The following MYO19 variants were observed in gnomAD, a reference collection of about 807,000 sequenced individuals.
MYO19 encodes unconventional myosin-XIX.
MYO19 carries 132 observed loss-of-function variants against 129.2 expected under a neutral mutation model. The observed-to-expected ratio is 1.02, with a 90% CI of 0.89 to 1.18. MYO19 has a LOEUF of 1.18. MYO19 is among the 50% of genes most tolerant of loss of function. The pLI is 0.00. For synonymous variants in MYO19, 531 were observed against 477.2 expected (o/e 1.11, Z -1.47); for missense variants, 1,210 against 1,216.7 (o/e 0.99, Z 0.08).
chr17:36,534,303 G>C (rs934383910), intron 1 of MYO19, 199 bp from the exon 2 acceptor site: 19 of 152,292 alleles, frequency 1.2e-4, no homozygotes, highest in African/African-American at 4.6e-4. Flanking sequence ...GGGAACCGGG[G>C]ACTCAAGGTC....
At chr17:36,504,973 G>T in intron 19 of MYO19, 1 of 494,294 alleles carries the variant, frequency 2.0e-6, no homozygotes, top group East Asian at 4.3e-5. Flanking sequence ...GCACTGTGCG[G>T]GGACTGTGTG....
At chr17:36,535,648 A>T (rs1042090387), upstream of MYO19, 1 of 152,118 alleles carries the variant, frequency 6.6e-6, no homozygotes, top group Admixed American at 6.6e-5. Flanking sequence ...TAGGAAAAAG[A>T]CTTTTTATTT....
chr17:36,531,824 G>C (rs1423359649), intron 3 of MYO19, among the ~76,000 whole-genome samples: 1 of 152,144 alleles, frequency 6.6e-6, no homozygotes, highest in African/African-American at 2.4e-5. Context: ...CTCCTTGAGG[G>C]CAAGCACCAA....
chr17:36,508,805 A>C, intron 14 of MYO19: 1 of 502,410 alleles, frequency 2.0e-6, no homozygotes, highest in Non-Finnish European at 3.5e-6. Flanking sequence ...GTCTCTGGGG[A>C]GGTAAAGGGC....
chr17:36,532,979 C>T (rs754482014), intron 2 of MYO19, among the ~76,000 whole-genome samples: 1 of 152,134 alleles, frequency 6.6e-6, no homozygotes, highest in Non-Finnish European at 1.5e-5. Flanking sequence ...ACAGAGAAGC[C>T]TTGTGCCCTA....
chr17:36,498,463 T>C lies in MYO19; in HGVS notation c.2560A>G (p.Thr854Ala), dbSNP rs1394890397. Residue 854 changes from threonine (T) to alanine (A), a missense_variant, in exon 25 of 26, where the codon ACC becomes GCC. By Grantham distance (58) the Thr-to-Ala change is moderately conservative. Transcript: ENST00000614623. Reference protein sequence around the residue: ...PCSLSTSPLQTRLLEAIIRLW... With the variant: ...PCSLSTSPLQARLLEAIIRLW... ...CGGATTATTGCCTCCAGGAGCCTGGTCTGCAGCGGCGAGGTGCTCAGGGAA... is the reference window on the plus strand; with the variant it reads ...CGGATTATTGCCTCCAGGAGCCTGGCCTGCAGCGGCGAGGTGCTCAGGGAA... 3.1e-6 allele frequency: 5 copies of C among 1,614,016 alleles called. No homozygotes were observed. Among genetic ancestry groups the C allele is most frequent in the Non-Finnish European group, 4.2e-6 (5 of 1,179,880 alleles).
intron 20 of MYO19, 40 bp downstream of exon 20, chr17:36,503,910 T>C (rs764065866): frequency 9.6e-5 from 143 of 1,488,044 alleles, no homozygotes; most frequent in Non-Finnish European, 1.3e-4. Context: ...AGCCCCACTC[T>C]GTACTGGCCC....
At chr17:36,538,042 C>A (rs950712056), upstream of MYO19, 3 of 1,613,960 alleles carry the variant, frequency 1.9e-6, no homozygotes, top group African/African-American at 4.0e-5. Flanking sequence ...GGGTATGTGG[C>A]AATACACATG....
At chr17:36,497,610 A>T (rs2071114754) in intron 25 of MYO19, 3 of 890,520 alleles carry the variant, frequency 3.4e-6, no homozygotes, top group African/African-American at 1.8e-5. Context: ...TTTTAGATGG[A>T]CTCTCGTCCT....
chr17:36,536,443 T>C (rs948960353), upstream of MYO19, among the ~76,000 whole-genome samples: 1 of 152,112 alleles, frequency 6.6e-6, no homozygotes, highest in Admixed American at 6.6e-5. Context: ...TGCTCCATAA[T>C]AGAAATTCCC....
At chr17:36,538,302 C>T (rs2074171362), upstream of MYO19, 6 of 1,613,252 alleles carry the variant, frequency 3.7e-6, no homozygotes, top group East Asian at 1.3e-4. Context: ...TGCCAAATTT[C>T]TAATTAAAGG....
Position 36,503,077 on chromosome 17 carries a change from A to G in MYO19, c.2080+20T>C. 6.3e-7 allele frequency: 1 copy of G among 1,597,038 alleles called. No homozygotes were observed. Among genetic ancestry groups the G allele is most frequent in the Non-Finnish European group, 8.6e-7 (1 of 1,164,416 alleles). ...GTAAACTGTGGTTGCACAAATGACTAACTCATGGGTCCCACTCACCAGGGA... is the reference window on the plus strand; with the variant it reads ...GTAAACTGTGGTTGCACAAATGACTGACTCATGGGTCCCACTCACCAGGGA... On this transcript the variant is annotated intron_variant, in intron 21 of 25. Transcript: ENST00000614623.
intron 15 of MYO19, 36 bp from the exon 16 acceptor site, chr17:36,507,548 G>A: frequency 6.3e-7 from 1 of 1,596,530 alleles, no homozygotes. Flanking sequence ...GGAGAAGGCA[G>A]CTGTGGTCTG....
intron 11 of MYO19, among the ~76,000 whole-genome samples, chr17:36,512,432 G>T (rs1252516946): frequency 1.3e-5 from 2 of 149,092 alleles, no homozygotes; most frequent in Non-Finnish European, 3.0e-5. Context: ...CCTCAGACCT[G>T]ACACAGGGAC....
chr17:36,512,528 C>T, intron 11 of MYO19: 1 of 1,028,954 alleles, frequency 9.7e-7, no homozygotes, highest in Non-Finnish European at 1.3e-6. Flanking sequence ...AGAAGACTGC[C>T]ATGCCCACCA....
At chr17:36,497,160 T>C (rs2142624826) in intron 25 of MYO19, among the ~76,000 whole-genome samples, 1 of 145,250 alleles carries the variant, frequency 6.9e-6, no homozygotes, top group African/African-American at 2.5e-5. Context: ...CGAAACCCCG[T>C]CTCTATTAAA....
In MYO19 at chr17:36,518,873, T is replaced by C. The variant is rs536453893; in HGVS notation, c.415-2883A>G. On this transcript the variant is annotated intron_variant, in intron 6 of 25. Coordinates refer to ENST00000614623, the MANE Select transcript of MYO19 (RefSeq NM_001163735.2). ...TACCCATAGGATATTTAGAAGTGCATTGTTTAATTTCCCAATGTTTTAGGA... is the reference window on the plus strand; with the variant it reads ...TACCCATAGGATATTTAGAAGTGCACTGTTTAATTTCCCAATGTTTTAGGA... 1.9e-3 allele frequency among the ~76,000 whole-genome samples: 286 copies of C among 152,210 alleles called. 1 individual carries two copies. The highest frequency in any genetic ancestry group is 6.4e-3 in the African/African-American group (265 of 41,542).
chr17:36,506,374 C>T (rs1054563685), intron 18 of MYO19, 82 bp downstream of exon 18: 1 of 1,580,256 alleles, frequency 6.3e-7, no homozygotes, highest in Non-Finnish European at 8.7e-7. Flanking sequence ...ACAAACAGCA[C>T]CGATCCCGGC....
At chr17:36,518,544 A>G (rs2072934283) in intron 6 of MYO19, among the ~76,000 whole-genome samples, 6 of 107,294 alleles carry the variant, frequency 5.6e-5, no homozygotes, top group African/African-American at 2.2e-4. Flanking sequence ...ATATATATAT[A>G]TATATATATG....
Sources: allele counts gnomAD v4.1 joint callset (sites outside exome capture counted in the v4.1 genomes callset), GRCh38; gene constraint gnomAD v4.1.1; transcripts MANE v1.5; gene names NCBI Gene and HGNC (gene_info 2026-07-23, HGNC 2026-07-21).